Variants in PACRG observed in about 807,000 individuals in gnomAD.
PACRG encodes the protein parkin coregulated, also known as parkin coregulated gene protein.
Under a neutral mutation model 29.7 loss-of-function variants are expected in PACRG, and 29 were observed. The ratio of observed to expected loss-of-function variants is 0.98; its 90% confidence interval spans 0.73 to 1.33. The LOEUF (loss-of-function observed/expected upper bound fraction) is 1.33, where lower values mean the gene tolerates loss of function less well. Ranked by LOEUF, PACRG falls within the 40% of genes most tolerant of loss-of-function variation. PACRG has a pLI of 0.00. For synonymous variants in PACRG, 116 were observed against 118.7 expected (o/e 0.98, Z 0.15); for missense variants, 279 against 316.2 (o/e 0.88, Z 0.89).
At chr6:162,855,300 G>A (rs1791292847) in intron 2 of PACRG, among the ~76,000 whole-genome samples, 1 of 152,212 alleles carries the variant, frequency 6.6e-6, no homozygotes, top group Non-Finnish European at 1.5e-5. Context: ...TTATAATTGT[G>A]ATTTATGACA....
chr6:163,242,401 C>A (rs1401744661), intron 4 of PACRG, among the ~76,000 whole-genome samples: 4 of 152,212 alleles, frequency 2.6e-5, no homozygotes, highest in Admixed American at 6.5e-5. Flanking sequence ...TCCATGCATT[C>A]CTCAGTACAA....
chr6:163,243,437 T>C (rs1389982059), intron 4 of PACRG, among the ~76,000 whole-genome samples: 1 of 152,230 alleles, frequency 6.6e-6, no homozygotes, highest in African/African-American at 2.4e-5. Flanking sequence ...CCCAACAAGC[T>C]TCTTGGGGTT....
At chr6:162,871,646 C>A (rs1276443124) in intron 2 of PACRG, among the ~76,000 whole-genome samples, 1 of 152,076 alleles carries the variant, frequency 6.6e-6, no homozygotes, top group Non-Finnish European at 1.5e-5. Flanking sequence ...CGGCTGGGCG[C>A]GGTGGCTCAC....
chr6:163,023,384 G>A (rs189631596), intron 2 of PACRG, among the ~76,000 whole-genome samples: 46 of 152,258 alleles, frequency 3.0e-4, no homozygotes, highest in South Asian at 2.1e-3. Context: ...CTCTATTTAC[G>A]TTGCTGCAAA....
intron 1 of PACRG, among the ~76,000 whole-genome samples, chr6:162,731,812 A>G (rs1401886168): frequency 2.6e-5 from 4 of 152,186 alleles, no homozygotes; most frequent in African/African-American, 9.7e-5. Context: ...TAAAATATTA[A>G]TTTGGCTTCT....
At chr6:162,815,957 T>C (rs1239292747) in intron 2 of PACRG, among the ~76,000 whole-genome samples, 1 of 152,096 alleles carries the variant, frequency 6.6e-6, no homozygotes, top group Non-Finnish European at 1.5e-5. Context: ...TGAAAATAAA[T>C]TATATAGATT....
At chr6:163,052,521 C>G (rs1452159826) in intron 2 of PACRG, among the ~76,000 whole-genome samples, 2 of 152,022 alleles carry the variant, frequency 1.3e-5, no homozygotes, top group Non-Finnish European at 2.9e-5. Context: ...CTCCACATGT[C>G]GAGGGAGGAA....
At chr6:163,293,171 C>T (rs147858912) in intron 4 of PACRG, among the ~76,000 whole-genome samples, 80 of 152,256 alleles carry the variant, frequency 5.3e-4, no homozygotes, top group African/African-American at 9.1e-4. Flanking sequence ...GAGAGCTTAA[C>T]GACACCTAGG....
intron 2 of PACRG, among the ~76,000 whole-genome samples, chr6:162,962,190 T>C (rs1392456725): frequency 6.6e-6 from 1 of 152,180 alleles, no homozygotes; most frequent in Non-Finnish European, 1.5e-5. Context: ...TCTCTCTGCC[T>C]CTGTACCAGG....
chr6:163,296,959 C>T (rs1035471408), intron 4 of PACRG, among the ~76,000 whole-genome samples: 1 of 152,174 alleles, frequency 6.6e-6, no homozygotes, highest in African/African-American at 2.4e-5. Context: ...CTTAAGATCA[C>T]ATGTACTGAA....
chr6:163,252,988 T>C (rs1458172427), intron 4 of PACRG, among the ~76,000 whole-genome samples: 1 of 152,068 alleles, frequency 6.6e-6, no homozygotes, highest in Non-Finnish European at 1.5e-5. Context: ...TACAAAGAAA[T>C]AAGATGCTAA....
chr6:162,945,131 T>C (rs1352730906), intron 2 of PACRG, among the ~76,000 whole-genome samples: 3 of 152,038 alleles, frequency 2.0e-5, no homozygotes, highest in African/African-American at 7.2e-5. Context: ...AATCAATTAA[T>C]AAAGTGACAG....
intron 1 of PACRG, among the ~76,000 whole-genome samples, chr6:162,769,764 G>T (rs1403531275): frequency 8.3e-6 from 1 of 120,944 alleles, no homozygotes; most frequent in Admixed American, 8.7e-5. Context: ...AAGAAGGTTA[G>T]CAAAAAAAAA....
intron 2 of PACRG, chr6:163,044,760 T>C (rs41268565): frequency 0.047 from 7,091 of 152,148 alleles, 265 homozygotes; most frequent in Non-Finnish European, 0.066. Context: ...GAGAGCAACA[T>C]GGGGAGAGCG....
chr6:163,266,596 T>C lies in PACRG; in HGVS notation c.614-48231T>C, dbSNP rs79100106. ...AGTCTCTCATGCTCATCTAACCTCC[T>C]TCTCCTGATTTTTTTGCTCACATTT... On this transcript the variant is annotated intron_variant, in intron 4 of 4. Transcript: ENST00000366888. 7.9e-5 allele frequency among the ~76,000 whole-genome samples: 12 copies of C among 152,330 alleles called. No homozygotes were observed. In the East Asian group the frequency reaches 2.3e-3, roughly 29 times the overall value.
At chr6:163,247,508 A>G (rs1467648590) in intron 4 of PACRG, among the ~76,000 whole-genome samples, 2 of 152,252 alleles carry the variant, frequency 1.3e-5, no homozygotes, top group Non-Finnish European at 2.9e-5. Flanking sequence ...TGTCACATAT[A>G]GATTGTGAAG....
chr6:163,214,097 A>T (rs1781266098), intron 4 of PACRG, among the ~76,000 whole-genome samples: 1 of 152,190 alleles, frequency 6.6e-6, no homozygotes, highest in Non-Finnish European at 1.5e-5. Context: ...TCGGTAGAGT[A>T]TTGTCCAATA....
At chr6:163,139,402 G>A (rs115738964) in intron 4 of PACRG, among the ~76,000 whole-genome samples, 2,103 of 28,342 alleles carry the variant, frequency 0.074, 52 homozygotes, top group African/African-American at 0.35. Context: ...TACATTTATA[G>A]GTTCTGGGAG....
chr6:162,755,898 T>C (rs892547119), intron 1 of PACRG, among the ~76,000 whole-genome samples: 2 of 152,222 alleles, frequency 1.3e-5, no homozygotes, highest in African/African-American at 4.8e-5. Context: ...TTATTTCTTC[T>C]GTGACCCAGT....
Sources: allele counts gnomAD v4.1 joint callset (sites outside exome capture counted in the v4.1 genomes callset), GRCh38; gene constraint gnomAD v4.1.1; transcripts MANE v1.5; gene names NCBI Gene and HGNC (gene_info 2026-07-23, HGNC 2026-07-21).